Variants in MGAT4C observed in about 807,000 individuals in gnomAD.
The protein encoded by MGAT4C is alpha-1,3-mannosyl-glycoprotein 4-beta-N-acetylglucosaminyltransferase C.
Under a neutral mutation model 40.1 loss-of-function variants are expected in MGAT4C, and 19 were observed. The observed-to-expected ratio is 0.47, with a 90% CI of 0.33 to 0.70. The LOEUF (loss-of-function observed/expected upper bound fraction) is 0.70, where lower values mean the gene tolerates loss of function less well. Ranked by LOEUF, MGAT4C falls within the 30% of genes least tolerant of loss-of-function variation. MGAT4C has a pLI of 0.02. For synonymous variants in MGAT4C, 181 were observed against 187.1 expected (o/e 0.97, Z 0.27); for missense variants, 491 against 563.2 (o/e 0.87, Z 1.30).
chr12:86,303,430 T>A (rs1021025895), intron 4 of MGAT4C, among the ~76,000 whole-genome samples: 2 of 150,410 alleles, frequency 1.3e-5, no homozygotes, highest in South Asian at 2.1e-4. Flanking sequence ...GAAATCAGAA[T>A]CTTATAGTAG....
At chr12:86,231,440 G>A (rs961922004) in intron 1 of MGAT4C, among the ~76,000 whole-genome samples, 1 of 152,046 alleles carries the variant, frequency 6.6e-6, no homozygotes, top group African/African-American at 2.4e-5. Flanking sequence ...AACTACCCAC[G>A]TAACATAAAC....
At chr12:86,154,580 C>A (rs1884679844) in intron 1 of MGAT4C, among the ~76,000 whole-genome samples, 1 of 152,120 alleles carries the variant, frequency 6.6e-6, no homozygotes, top group Non-Finnish European at 1.5e-5. Context: ...TCTCACCAGG[C>A]TGAGATCAGT....
intron 1 of MGAT4C, among the ~76,000 whole-genome samples, chr12:86,164,675 T>C (rs1885990113): frequency 6.6e-6 from 1 of 152,244 alleles, no homozygotes; most frequent in Non-Finnish European, 1.5e-5. Flanking sequence ...GAGATAATTA[T>C]GGGCAGAAGA....
intron 2 of MGAT4C, among the ~76,000 whole-genome samples, chr12:86,664,132 ATT>A (rs201296651): frequency 3.4e-5 from 5 of 145,552 alleles, no homozygotes; most frequent in Middle Eastern, 3.7e-3. Flanking sequence ...TGCACAGTCA[ATT>A]TTTTTTTTTT....
intron 1 of MGAT4C, among the ~76,000 whole-genome samples, chr12:86,158,061 T>C (rs927251591): frequency 6.6e-6 from 1 of 152,186 alleles, no homozygotes; most frequent in African/African-American, 2.4e-5. Context: ...TAAAATATAA[T>C]ACCAATTATA....
intron 3 of MGAT4C, among the ~76,000 whole-genome samples, chr12:86,420,879 ATGTATATGTGTATATATACATACG>A (rs1305178091): frequency 8.2e-5 from 12 of 146,844 alleles, no homozygotes; most frequent in African/African-American, 2.2e-4. Flanking sequence ...ATATACATAC[ATGTATATGTGTATATATACATACG>A]TGTATATGTG....
Position 86,627,833 on chromosome 12 carries a change from T to C in MGAT4C, c.-229+99376A>G, listed in dbSNP as rs114257356. ...AAAATTCTAAAAACCAGAGTGCGCC[T>C]TCTCCTCCAAAGGATTGCAGCTCCT... On this transcript the variant is annotated intron_variant, in intron 2 of 7. Coordinates refer to the MGAT4C transcript ENST00000548651. Among the ~76,000 whole-genome samples the C allele has an allele frequency of 4.0e-3, 605 of 151,076 alleles. 3 individuals carry two copies. The highest frequency in any genetic ancestry group is 0.014 in the African/African-American group (590 of 41,484).
intron 1 of MGAT4C, among the ~76,000 whole-genome samples, chr12:86,094,601 TA>T (rs1237168847): frequency 6.6e-6 from 1 of 152,152 alleles, no homozygotes; most frequent in Non-Finnish European, 1.5e-5. Context: ...CTTTTATTAT[TA>T]AAAATAGGAT....
At chr12:86,295,403 C>A (rs1953639825) in intron 4 of MGAT4C, among the ~76,000 whole-genome samples, 1 of 152,142 alleles carries the variant, frequency 6.6e-6, no homozygotes, top group Admixed American at 6.5e-5. Context: ...TAAGGCAGCG[C>A]GTCTGGAGTT....
At chr12:86,605,571 A>T (rs1228028987) in intron 2 of MGAT4C, among the ~76,000 whole-genome samples, 2 of 152,150 alleles carry the variant, frequency 1.3e-5, no homozygotes, top group African/African-American at 4.8e-5. Context: ...GAACAACCTC[A>T]TTATCTAAGT....
At chr12:86,450,201 AT>A (rs1216526593) in intron 2 of MGAT4C, among the ~76,000 whole-genome samples, 1 of 151,890 alleles carries the variant, frequency 6.6e-6, no homozygotes, top group Non-Finnish European at 1.5e-5. Flanking sequence ...CCTCCACAAC[AT>A]TGTCAACAGG....
chr12:86,173,696 A>C (rs1204747056), intron 1 of MGAT4C, among the ~76,000 whole-genome samples: 1 of 152,124 alleles, frequency 6.6e-6, no homozygotes, highest in African/African-American at 2.4e-5. Flanking sequence ...AGTTTAACAA[A>C]ATTTTACATA....
chr12:86,739,534 A>T (rs902181502), intron 1 of MGAT4C, among the ~76,000 whole-genome samples: 1 of 151,010 alleles, frequency 6.6e-6, no homozygotes, highest in East Asian at 1.9e-4. Flanking sequence ...TTTGGGGGAA[A>T]AAAAAAGGAT....
chr12:86,546,755 T>C lies in MGAT4C; in HGVS notation c.-228-111490A>G, dbSNP rs148142222. On this transcript the variant is annotated intron_variant, in intron 2 of 7. Transcript: ENST00000548651. Reference sequence around the variant, plus strand: ...TACATTTATCTGAAAATATACTGAATTGGGAAGCTGAAATGTCATAAAACC... The same window carrying C: ...TACATTTATCTGAAAATATACTGAACTGGGAAGCTGAAATGTCATAAAACC... Among the ~76,000 whole-genome samples, 1,224 of 152,152 alleles carry C rather than the reference T, an allele frequency of 8.0e-3. 8 individuals carry two copies. The highest frequency in any genetic ancestry group is 0.014 in the Middle Eastern group (4 of 294).
At chr12:86,282,742 T>C (rs1341607591) in intron 4 of MGAT4C, among the ~76,000 whole-genome samples, 1 of 152,124 alleles carries the variant, frequency 6.6e-6, no homozygotes, top group Non-Finnish European at 1.5e-5. Context: ...CCAGTCCTGT[T>C]TTTCAGCTTT....
chr12:86,602,978 G>A (rs1470565044), intron 2 of MGAT4C, among the ~76,000 whole-genome samples: 1 of 151,396 alleles, frequency 6.6e-6, no homozygotes, highest in East Asian at 1.9e-4. Flanking sequence ...TGATGAATAT[G>A]AAGCATATTA....
intron 2 of MGAT4C, among the ~76,000 whole-genome samples, chr12:86,506,293 T>C (rs575257245): frequency 6.6e-6 from 1 of 152,270 alleles, no homozygotes; most frequent in South Asian, 2.1e-4. Context: ...AAGATAACCA[T>C]TCAAAATAAT....
chr12:86,827,553 T>C (rs1173583208), intron 1 of MGAT4C, among the ~76,000 whole-genome samples: 1 of 151,368 alleles, frequency 6.6e-6, no homozygotes, highest in Non-Finnish European at 1.5e-5. Context: ...ACTGTCCAGA[T>C]AGAGCAAATA....
rs145116690 is a variant in MGAT4C, at chr12:86,800,037, C to T, written c.-262+38629G>A. 7.0e-3 allele frequency among the ~76,000 whole-genome samples: 1,069 copies of T among 151,926 alleles called. 10 individuals carry two copies. Among genetic ancestry groups the T allele is most frequent in the African/African-American group, 0.025 (1,017 of 41,480 alleles). ...AATCTTTGGTTCAGTGCCCATTTGC[C>T]CTCAGATGCAGCCATTGACTTTTCC... is the stretch of plus-strand genomic sequence containing the variant. On this transcript the variant is annotated intron_variant, in intron 1 of 7. Coordinates refer to the MGAT4C transcript ENST00000548651.
Sources: allele counts gnomAD v4.1 joint callset (sites outside exome capture counted in the v4.1 genomes callset), GRCh38; gene constraint gnomAD v4.1.1; transcripts MANE v1.5; gene names NCBI Gene and HGNC (gene_info 2026-07-23, HGNC 2026-07-21).